Variants in C13orf46 observed in about 807,000 individuals in gnomAD.
C13orf46 encodes the protein uncharacterized protein C13orf46.
chr13:113,930,960 C>G, the C13orf46 span, among the ~76,000 whole-genome samples: 1 of 152,212 alleles, frequency 6.6e-6, no homozygotes, highest in Non-Finnish European at 1.5e-5. Flanking sequence ...CTGGGGCCTC[C>G]ACAGAAAGCC....
chr13:113,958,187 CCT>C (rs1336249664), intron 6 of C13orf46, among the ~76,000 whole-genome samples: 15 of 150,140 alleles, frequency 1.0e-4, no homozygotes, highest in South Asian at 2.1e-4. Flanking sequence ...GCCTGCACCC[CCT>C]TTCATCAAGT....
At chr13:113,963,647 G>A (rs1287975368) in intron 6 of C13orf46, among the ~76,000 whole-genome samples, 1,133 of 65,512 alleles carry the variant, frequency 0.017, 9 homozygotes, top group Middle Eastern at 0.07. Context: ...CCTCAGCCTC[G>A]CCCGTCCTCA....
At chr13:113,934,204 G>C in the C13orf46 span, among the ~76,000 whole-genome samples, 1 of 152,242 alleles carries the variant, frequency 6.6e-6, no homozygotes, top group Non-Finnish European at 1.5e-5. Flanking sequence ...GTTGTGTGGT[G>C]TGGAGGCACC....
chr13:113,945,597 GAAAGAAAGAAGAA>G, the C13orf46 span, among the ~76,000 whole-genome samples: 1 of 121,734 alleles, frequency 8.2e-6, no homozygotes, highest in Non-Finnish European at 1.7e-5. Context: ...GAGAGAGAAA[GAAAGAAAGAAGAA>G]AGAAAGAAAG....
At position 113,955,140 on chromosome 13, in the gene C13orf46, C is replaced by T. The variant is rs1050686269; in HGVS notation, c.*1633G>A. 3.6e-3 allele frequency: 731 copies of T among 201,510 alleles called. 10 individuals carry two copies. The East Asian group carries it at 0.066, about 18-fold the overall frequency. 12.5% of individuals were successfully genotyped at this position (201,510 alleles called of 1,614,324 possible). On this transcript the variant is annotated 3_prime_UTR_variant, in exon 7 of 7. Coordinates refer to ENST00000636427, the MANE Select transcript of C13orf46 (RefSeq NM_001365455.2). Reference sequence around the variant, plus strand: ...GCAGCTGGTGGAGACGAGGAGCATCCGGTGGAGATGAGGAGCATCTCGAGG... The same window carrying T: ...GCAGCTGGTGGAGACGAGGAGCATCTGGTGGAGATGAGGAGCATCTCGAGG...
At chr13:113,947,125 C>T in the C13orf46 span, among the ~76,000 whole-genome samples, 1 of 152,168 alleles carries the variant, frequency 6.6e-6, no homozygotes, top group Admixed American at 6.5e-5. Flanking sequence ...CTGAAGATTC[C>T]TGAAGGGGCC....
chr13:113,958,270 T>A (rs2052558667), intron 6 of C13orf46, among the ~76,000 whole-genome samples: 1 of 152,290 alleles, frequency 6.6e-6, no homozygotes, highest in Non-Finnish European at 1.5e-5. Context: ...TCCCCTGCAC[T>A]CTGCATGCAC....
At chr13:113,972,078 C>A (rs1420997736) in intron 1 of C13orf46, among the ~76,000 whole-genome samples, 1 of 152,164 alleles carries the variant, frequency 6.6e-6, no homozygotes, top group East Asian at 1.9e-4. Flanking sequence ...TTGGGCAAAT[C>A]CAGCAGGTGT....
chr13:113,957,550 G>T (rs2052548324), intron 6 of C13orf46, among the ~76,000 whole-genome samples: 5 of 122,654 alleles, frequency 4.1e-5, no homozygotes, highest in Admixed American at 8.7e-5. Flanking sequence ...CACTCTGCCT[G>T]CACCCCCTTT....
At chr13:113,959,115 TAA>T (rs1231429948) in intron 6 of C13orf46, among the ~76,000 whole-genome samples, 82 of 151,930 alleles carry the variant, frequency 5.4e-4, no homozygotes, top group Admixed American at 5.2e-3. Context: ...CCATCTCTAC[TAA>T]AATAAAAAAT....
At chr13:113,967,641 C>T (rs1157794493) in intron 4 of C13orf46, among the ~76,000 whole-genome samples, 1 of 152,164 alleles carries the variant, frequency 6.6e-6, no homozygotes, top group East Asian at 1.9e-4. Context: ...TTTCTCACCC[C>T]TCCCTACTCA....
At chr13:113,929,351 C>G in the C13orf46 span, among the ~76,000 whole-genome samples, 1 of 152,250 alleles carries the variant, frequency 6.6e-6, no homozygotes, top group Admixed American at 6.5e-5. Flanking sequence ...TCCAGAGCCT[C>G]GCTCTGCTCC....
chr13:113,937,843 G>A, the C13orf46 span, among the ~76,000 whole-genome samples: 1 of 152,204 alleles, frequency 6.6e-6, no homozygotes, highest in Non-Finnish European at 1.5e-5. Flanking sequence ...TCATGCCTGA[G>A]TCTGGCTCAG....
intron 2 of C13orf46, among the ~76,000 whole-genome samples, chr13:113,969,575 G>A (rs904969270): frequency 3.9e-5 from 6 of 152,352 alleles, no homozygotes; most frequent in Admixed American, 2.6e-4. Context: ...GACTTGGCCC[G>A]TGCCTTGCCA....
the C13orf46 span, among the ~76,000 whole-genome samples, chr13:113,931,920 TCC>T: frequency 6.7e-5 from 10 of 149,452 alleles, no homozygotes; most frequent in East Asian, 1.9e-3. Context: ...ACCATGGACA[TCC>T]CCTCCCCCAG....
At chr13:113,942,654 C>T in the C13orf46 span, among the ~76,000 whole-genome samples, 1 of 152,156 alleles carries the variant, frequency 6.6e-6, no homozygotes, top group African/African-American at 2.4e-5. Context: ...CCAGAGCTGA[C>T]GCGGGCACGG....
At chr13:113,950,802 T>TAA, downstream of C13orf46, among the ~76,000 whole-genome samples, 1 of 152,076 alleles carries the variant, frequency 6.6e-6, no homozygotes, top group South Asian at 2.1e-4. Flanking sequence ...TCCCTCCCGC[T>TAA]CCAGGGCACG....
chr13:113,964,778 C>G (rs2052620182), intron 6 of C13orf46, 149 bp downstream of exon 6: 1 of 152,254 alleles, frequency 6.6e-6, no homozygotes. Context: ...TCGGCAGGTG[C>G]TGAGCCTCGG....
chr13:113,947,835 C>T, the C13orf46 span, among the ~76,000 whole-genome samples: 9 of 152,226 alleles, frequency 5.9e-5, no homozygotes, highest in Admixed American at 1.3e-4. Flanking sequence ...CAGGGGTCCA[C>T]ACCCACCATG....
Sources: gnomAD v4.1 joint callset for allele counts (sites outside exome capture counted in the v4.1 genomes callset) on GRCh38, gnomAD v4.1.1 for gene constraint, MANE v1.5 for transcripts, NCBI Gene and HGNC (gene_info 2026-07-23, HGNC 2026-07-21) for gene names.